RTCB: variants seen among roughly 807,000 people sequenced by gnomAD.
RTCB encodes RNA-splicing ligase RTCB.
Under a neutral mutation model 58.2 loss-of-function variants are expected in RTCB, and 32 were observed. The ratio of observed to expected loss-of-function variants is 0.55; its 90% CI spans 0.41 to 0.74. RTCB has a LOEUF of 0.74. Among genes scored for constraint, RTCB ranks in the 30% least tolerant of loss-of-function variants. RTCB has a pLI of 0.00. For missense variants in RTCB, 523 were observed against 639.0 expected (o/e 0.82, Z 1.96); for synonymous variants, 247 against 218.6 (o/e 1.13, Z -1.15).
intron 11 of RTCB, among the ~76,000 whole-genome samples, chr22:32,389,854 G>C (rs745941509): frequency 5.9e-5 from 9 of 152,148 alleles, no homozygotes; most frequent in Non-Finnish European, 1.3e-4. Context: ...TTTAATCAGA[G>C]TAAAAGCAAA....
chr22:32,408,726 T>C (rs1933470055), intron 2 of RTCB, 29 bp downstream of exon 2: 2 of 1,536,596 alleles, frequency 1.3e-6, no homozygotes, highest in Non-Finnish European at 1.8e-6. Flanking sequence ...ACTACCGTAC[T>C]AACACAAGTG....
At chr22:32,404,142 G>A (rs939088011) in intron 4 of RTCB, among the ~76,000 whole-genome samples, 3 of 152,134 alleles carry the variant, frequency 2.0e-5, no homozygotes, top group African/African-American at 7.2e-5. Flanking sequence ...GTATCTCTTT[G>A]GATACTGATT....
intron 4 of RTCB, among the ~76,000 whole-genome samples, chr22:32,402,571 T>C (rs1181386861): frequency 2.2e-5 from 3 of 135,490 alleles, no homozygotes; most frequent in Non-Finnish European, 4.8e-5. Context: ...TGCCTCAGCC[T>C]CCCGAATAGC....
At chr22:32,410,142 A>G (rs77153423) in intron 1 of RTCB, among the ~76,000 whole-genome samples, 2,804 of 152,266 alleles carry the variant, frequency 0.018, 77 homozygotes, top group African/African-American at 0.062. Flanking sequence ...TCTGATAAGA[A>G]TATCAGAGTG....
At position 32,406,777 on chromosome 22, in the gene RTCB, A is replaced by G. The variant is rs1216092596; in HGVS notation, c.241-16T>C. The G allele has an allele frequency of 1.3e-6, 2 of 1,570,870 alleles. No individual in the cohort carries two copies. Among genetic ancestry groups the G allele is most frequent in the Admixed American group, 1.7e-5 (1 of 59,818 alleles). ...CAATAGATCGCTGAAAAAGAATTAG[A>G]AAATGAAATACAAGTGTCTTGACCT... On this transcript the variant is annotated splice_polypyrimidine_tract_variant and intron_variant, in intron 3 of 11. Transcript: ENST00000216038.
chr22:32,401,006 C>T (rs1933326900), intron 5 of RTCB, among the ~76,000 whole-genome samples: 2 of 151,616 alleles, frequency 1.3e-5, no homozygotes, highest in African/African-American at 2.4e-5. Context: ...GTTAAATAGG[C>T]TTAATGACAA....
Position 32,412,207 on chromosome 22 carries a change from G to T in RTCB, c.-51C>A. Reference sequence around the variant, plus strand: ...CCCGGCTCCGCTTTGAAGAGCCGCTGCCGCGTAGTCCGGCTTCTCAGAGCA... The same window carrying T: ...CCCGGCTCCGCTTTGAAGAGCCGCTTCCGCGTAGTCCGGCTTCTCAGAGCA... On this transcript the variant is annotated 5_prime_UTR_variant, in exon 1 of 12. Coordinates refer to ENST00000216038, the MANE Select transcript of RTCB (RefSeq NM_014306.5). 6.8e-7 allele frequency: 1 copy of T among 1,461,300 alleles called. No homozygotes were observed. Among genetic ancestry groups the T allele is most frequent in the Non-Finnish European group, 9.4e-7 (1 of 1,063,486 alleles). 90.5% of individuals were successfully genotyped at this position (1,461,300 alleles called of 1,614,324 possible).
chr22:32,402,993 C>T (rs1933362957), intron 4 of RTCB, among the ~76,000 whole-genome samples: 1 of 152,168 alleles, frequency 6.6e-6, no homozygotes, highest in Admixed American at 6.5e-5. Context: ...GATCCTCCTG[C>T]CTCGGCCTCC....
chr22:32,391,507 T>C (rs2145888865), intron 11 of RTCB, among the ~76,000 whole-genome samples: 2 of 151,952 alleles, frequency 1.3e-5, no homozygotes, highest in East Asian at 3.9e-4. Context: ...GTGATTTTCC[T>C]GTCTCGGCCT....
intron 2 of RTCB, 111 bp from the exon 3 acceptor site, chr22:32,408,353 A>C: frequency 2.4e-6 from 2 of 820,322 alleles, no homozygotes; most frequent in Non-Finnish European, 4.0e-6. Context: ...AGGGCTACTA[A>C]GACAACAAAG....
chr22:32,391,381 A>G (rs1933151708), intron 11 of RTCB, among the ~76,000 whole-genome samples: 1 of 151,672 alleles, frequency 6.6e-6, no homozygotes, highest in African/African-American at 2.4e-5. Flanking sequence ...GGAAAAAACT[A>G]TGACAATAAG....
chr22:32,404,583 T>A (rs894152619), intron 4 of RTCB, among the ~76,000 whole-genome samples: 9 of 152,132 alleles, frequency 5.9e-5, no homozygotes, highest in Admixed American at 2.6e-4. Context: ...TTCTAAAACT[T>A]TTTGTAGAGA....
chr22:32,395,017 G>A lies in RTCB; in HGVS notation c.1179+9C>T, dbSNP rs746738099. On this transcript the variant is annotated intron_variant, in intron 9 of 11. Transcript: ENST00000216038. ...CACTGCTTAAAACTACAAACGTAGA[G>A]CTACGTACTTGGTAATCAACAGCAA... The A allele has an allele frequency of 9.3e-6, 15 of 1,608,376 alleles. No individual in the cohort carries two copies. Among genetic ancestry groups the A allele is most frequent in the African/African-American group, 1.3e-5 (1 of 74,830 alleles).
intron 8 of RTCB, 54 bp downstream of exon 8, chr22:32,396,020 A>G: frequency 1.3e-6 from 2 of 1,575,768 alleles, no homozygotes; most frequent in Non-Finnish European, 1.7e-6. Context: ...TATGTTTTAA[A>G]GCACTTAACA....
chr22:32,401,674 C>A, intron 5 of RTCB, 73 bp downstream of exon 5: 4 of 1,504,196 alleles, frequency 2.7e-6, no homozygotes, highest in Non-Finnish European at 3.6e-6. Flanking sequence ...AAGTGTACTG[C>A]ACTGGAAAGG....
At chr22:32,411,572 G>A (rs1232790182) in intron 1 of RTCB, among the ~76,000 whole-genome samples, 1 of 152,116 alleles carries the variant, frequency 6.6e-6, no homozygotes, top group Non-Finnish European at 1.5e-5. Flanking sequence ...AAATGACATC[G>A]CTTTATTAAA....
rs529387208 is a variant in RTCB at position 32,396,384 on chromosome 22, G to A, written c.815-135C>T. The A allele has an allele frequency of 1.8e-5, 15 of 818,038 alleles. No individual in the cohort carries two copies. In the South Asian group the frequency reaches 2.4e-4, roughly 13 times the overall value. The allele number at this position is 818,038 out of a possible 1,614,324, so 50.7% of individuals were successfully genotyped here. A position where few individuals can be genotyped will look rare whatever the true frequency, so the allele number is the denominator to read the frequency against. ...AATGAAAGCCAACTTTCCCTTTAAT[G>A]TGTTTCTGAGTTCATCTATTTGCTC... On this transcript the variant is annotated intron_variant, in intron 7 of 11. Coordinates refer to ENST00000216038, the MANE Select transcript of RTCB (RefSeq NM_014306.5).
chr22:32,402,805 G>C (rs1219349104), intron 4 of RTCB, among the ~76,000 whole-genome samples: 1 of 152,130 alleles, frequency 6.6e-6, no homozygotes, highest in Non-Finnish European at 1.5e-5. Flanking sequence ...AAGTGCAGTG[G>C]AGTAATCATA....
At chr22:32,397,004 C>T (rs1933256604) in intron 7 of RTCB, among the ~76,000 whole-genome samples, 1 of 152,106 alleles carries the variant, frequency 6.6e-6, no homozygotes, top group Non-Finnish European at 1.5e-5. Flanking sequence ...GTGACAGGCA[C>T]ATGTGAAGCC....
Sources: allele counts gnomAD v4.1 joint callset (sites outside exome capture counted in the v4.1 genomes callset), GRCh38; gene constraint gnomAD v4.1.1; transcripts MANE v1.5; gene names NCBI Gene and HGNC (gene_info 2026-07-23, HGNC 2026-07-21).